The following WDR91 variants were observed in gnomAD, a reference collection of about 807,000 sequenced individuals.
WDR91 encodes WD repeat domain 91.
A neutral mutation model predicts 88.4 loss-of-function variants in WDR91; 52 were observed. The observed-to-expected ratio is 0.59, with a 90% CI of 0.47 to 0.74. WDR91 has a LOEUF of 0.74. Among genes scored for constraint, WDR91 ranks in the 30% least tolerant of loss-of-function variants. The pLI, the probability that WDR91 is intolerant of heterozygous loss-of-function variation, is 0.00. For synonymous variants in WDR91, 362 were observed against 389.5 expected, an observed-to-expected ratio of 0.93 and a Z score of 0.83; for missense variants, 824 against 954.5, an observed-to-expected ratio of 0.86 and a Z score of 1.80.
In WDR91 at chr7:135,211,368, C is replaced by T; in HGVS notation, c.123+12G>A. ...GCCGCCTCTGCCCGCGCCGCTCCCG[C>T]CGGCCTCTCACCCGGAACCCCTTCT... On this transcript the variant is annotated intron_variant, in intron 1 of 14. Transcript: ENST00000354475. The T allele has an allele frequency of 6.2e-7, 1 of 1,604,046 alleles. No homozygotes were observed. The highest frequency in any genetic ancestry group is 8.5e-7 in the Non-Finnish European group (1 of 1,175,760).
At chr7:135,208,714 G>A in intron 3 of WDR91, 77 bp downstream of exon 3, 1 of 1,345,638 alleles carries the variant, frequency 7.4e-7, no homozygotes, top group Non-Finnish European at 1.0e-6. Flanking sequence ...ATGCCTGTAT[G>A]GAGACCAGCG....
At chr7:135,209,828 T>G in intron 1 of WDR91, 73 bp from the exon 2 acceptor site, 54 of 1,276,588 alleles carry the variant, frequency 4.2e-5, no homozygotes, top group Non-Finnish European at 5.3e-5. Context: ...ATAAAGCTTT[T>G]TCCTCTTGTC....
In WDR91 at chr7:135,196,276, G is replaced by A. The variant is rs745637947; in HGVS notation, c.1112C>T (p.Thr371Met). 11 of 1,610,444 alleles carry A rather than the reference G, an allele frequency of 6.8e-6. No individual in the cohort carries two copies. The highest frequency in any genetic ancestry group is 8.5e-6 in the Non-Finnish European group (10 of 1,178,254). The part of the protein sequence containing the change: ...PEAEPCPELH[T>M]EPVEPLTRAS... The stretch of plus-strand genomic sequence containing the variant: ...CCGAGTCAGTGGCTCCACTGGCTCC[G>A]TGTGGAGCTCTGGGCAGGGCTCAGC... Residue 371 changes from threonine to methionine, a missense_variant, in exon 8 of 15, where the codon ACG (threonine) becomes ATG (methionine). Physicochemically the swap from Thr to Met is moderately conservative, Grantham distance 81. Transcript: ENST00000354475. The surrounding 1 kb of genome is among the most constrained non-coding windows in gnomAD (Gnocchi z 4.2).
At position 135,197,970 on chromosome 7, in the gene WDR91, G is replaced by A. The variant is rs765640703; in HGVS notation, c.1050+23C>T. 56 of 1,610,530 alleles carry A rather than the reference G, an allele frequency of 3.5e-5. 1 individual carries two copies. In the South Asian group the frequency reaches 5.2e-4, roughly 15 times the overall value. Reference sequence around the variant, plus strand: ...TCAGTAGCTGCATGAGTGTCCCCAGGGGTGTTCAGGACAACCCCATACCTG... The same window carrying A: ...TCAGTAGCTGCATGAGTGTCCCCAGAGGTGTTCAGGACAACCCCATACCTG... On this transcript the variant is annotated intron_variant, in intron 7 of 14. Coordinates refer to ENST00000354475, the MANE Select transcript of WDR91 (RefSeq NM_014149.4).
At position 135,209,775 on chromosome 7, in the gene WDR91, G is replaced by C. The variant is rs1453727266; in HGVS notation, c.124-20C>G. On this transcript the variant is annotated intron_variant, in intron 1 of 14. Coordinates refer to ENST00000354475, the MANE Select transcript of WDR91 (RefSeq NM_014149.4). ...ATCCACCTGGCGAGAAACATGGATG[G>C]AGAAGGTGGTAAGGGACAGAAGGGA... is the stretch of plus-strand genomic sequence containing the variant. 11 of 1,568,540 alleles carry C rather than the reference G, an allele frequency of 7.0e-6. No homozygotes were observed. Among genetic ancestry groups the C allele is most frequent in the East Asian group, 2.3e-5 (1 of 43,360 alleles).
At chr7:135,201,560 TATA>T (rs1381436842) in intron 6 of WDR91, 1 of 152,232 alleles carries the variant, frequency 6.6e-6, no homozygotes, top group Admixed American at 6.5e-5. Flanking sequence ...GAGCAAAATT[TATA>T]ATGCTTTCTA....
rs1374518552 is a variant in WDR91, at chr7:135,188,546, C to G, written c.1769-1G>C. 1.9e-6 allele frequency: 3 copies of G among 1,612,600 alleles called. No individual in the cohort carries two copies. The highest frequency in any genetic ancestry group is 1.7e-5 in the Admixed American group (1 of 60,024). On this transcript the variant is annotated splice_acceptor_variant, in intron 12 of 14. Coordinates refer to ENST00000354475, the MANE Select transcript of WDR91 (RefSeq NM_014149.4). LOFTEE classifies it high-confidence loss of function. ...ATCGCGCACTCATGCTGCTGCATGTCTGAGGCAATGAGACACGGCCACTCA... is the reference window on the plus strand; with the variant it reads ...ATCGCGCACTCATGCTGCTGCATGTGTGAGGCAATGAGACACGGCCACTCA...
intron 11 of WDR91, 85 bp from the exon 12 acceptor site, chr7:135,189,537 G>T: frequency 1.8e-6 from 2 of 1,138,800 alleles, no homozygotes; most frequent in Non-Finnish European, 2.5e-6. Flanking sequence ...AGGTGCCCCA[G>T]ACTGGGTTTT....
In WDR91 at chr7:135,186,063, G is replaced by A; in HGVS notation, c.*88C>T. The stretch of plus-strand genomic sequence containing the variant: ...AGAGTCACTGCACTGGCAGGGAGCT[G>A]GAGTGGAGCACGTGGTTTTCCTGTC... On this transcript the variant is annotated 3_prime_UTR_variant, in exon 15 of 15. Transcript: ENST00000354475. 2 of 1,415,512 alleles carry A rather than the reference G, an allele frequency of 1.4e-6. No homozygotes were observed. The highest frequency in any genetic ancestry group is 1.5e-5 in the African/African-American group (1 of 67,830). The allele number at this position is 1,415,512 out of a possible 1,614,324, so 87.7% of individuals were successfully genotyped here.
intron 11 of WDR91, 104 bp from the exon 12 acceptor site, chr7:135,189,556 T>A: frequency 1.2e-6 from 1 of 823,006 alleles, no homozygotes; most frequent in East Asian, 2.7e-5. Context: ...TTCCACCAGC[T>A]CCTCCCTTAT....
At chr7:135,193,714 G>GT in intron 9 of WDR91, 42 bp from the exon 10 acceptor site, 3 of 1,566,898 alleles carry the variant, frequency 1.9e-6, no homozygotes, top group Non-Finnish European at 2.6e-6. Flanking sequence ...ATAGCATGGA[G>GT]TGAGGCTGAG....
chr7:135,194,404 G>A (rs1470483339), intron 9 of WDR91, among the ~76,000 whole-genome samples: 1 of 152,240 alleles, frequency 6.6e-6, no homozygotes, highest in Non-Finnish European at 1.5e-5. Context: ...CTTGGGCTAT[G>A]TGGTATGATC....
At chr7:135,187,327 A>G (rs57951033) in intron 13 of WDR91, among the ~76,000 whole-genome samples, 158 bp from the exon 14 acceptor site, 3,968 of 152,354 alleles carry the variant, frequency 0.026, 162 homozygotes, top group African/African-American at 0.09. Context: ...CAAGTGCCAG[A>G]GGCAGAAAAG....
chr7:135,186,357 CAG>C (rs1240617988), intron 14 of WDR91, 42 bp from the exon 15 acceptor site: 1 of 1,593,760 alleles, frequency 6.3e-7, no homozygotes, highest in South Asian at 1.1e-5. Context: ...CAGCAAACAC[CAG>C]TTACACACAC....
At chr7:135,193,776 C>G in intron 9 of WDR91, 104 bp from the exon 10 acceptor site, 1 of 918,592 alleles carries the variant, frequency 1.1e-6, no homozygotes, top group Admixed American at 2.0e-5. Flanking sequence ...GGGGGTGAGG[C>G]CCCTCCTCTA....
chr7:135,186,103 C>G lies in WDR91; in HGVS notation c.*48G>C. The G allele has an allele frequency of 2.6e-6, 4 of 1,541,588 alleles. No individual in the cohort carries two copies. Among genetic ancestry groups the G allele is most frequent in the South Asian group, 1.2e-5 (1 of 80,656 alleles). ...GTTTTCCTGTCCTATATCTCCTCCC[C>G]CCACCGCAGATAATACTGCTTCCTC... On this transcript the variant is annotated 3_prime_UTR_variant, in exon 15 of 15. Transcript: ENST00000354475.
intron 6 of WDR91, among the ~76,000 whole-genome samples, chr7:135,202,855 T>C (rs902046358): frequency 2.6e-5 from 4 of 152,192 alleles, no homozygotes; most frequent in Non-Finnish European, 5.9e-5. Flanking sequence ...GGAGTAACCA[T>C]GTTTGAGTTT....
At position 135,186,125 on chromosome 7, in the gene WDR91, C is replaced by T; in HGVS notation, c.*26G>A. On this transcript the variant is annotated 3_prime_UTR_variant, in exon 15 of 15. Transcript: ENST00000354475. ...CCCCCCACCGCAGATAATACTGCTT[C>T]CTCGGGTGGCCCTTGGGGCAAGTCA... 1 of 1,570,550 alleles carries T rather than the reference C, an allele frequency of 6.4e-7. No individual in the cohort carries two copies. The highest frequency in any genetic ancestry group is 8.6e-7 in the Non-Finnish European group (1 of 1,162,574).
Position 135,186,252 on chromosome 7 carries a change from C to T in WDR91, c.2143G>A (p.Val715Ile). ...ATGGCAGTGCTCCAGTCCACGGTGACCACAGGGGCTCGGTGGCCACCTAGG... is the reference window on the plus strand; with the variant it reads ...ATGGCAGTGCTCCAGTCCACGGTGATCACAGGGGCTCGGTGGCCACCTAGG... ...LSLGGHRAPV[V>I]TVDWSTAMDC... The change falls in exon 15 of 15, where the codon GTC becomes ATC. Residue 715 changes from valine (V) to isoleucine (I), a missense_variant. Val to Ile is a conservative substitution (Grantham distance 29). Coordinates refer to ENST00000354475, the MANE Select transcript of WDR91 (RefSeq NM_014149.4). 6.2e-7 allele frequency: 1 copy of T among 1,612,406 alleles called. No homozygotes were observed. The highest frequency in any genetic ancestry group is 8.5e-7 in the Non-Finnish European group (1 of 1,179,348).
Sources: allele counts gnomAD v4.1 joint callset (sites outside exome capture counted in the v4.1 genomes callset), GRCh38; gene constraint gnomAD v4.1.1; non-coding constraint Gnocchi (gnomAD v3.1); transcripts MANE v1.5; gene names NCBI Gene and HGNC (gene_info 2026-07-23, HGNC 2026-07-21).